Variants in ATRNL1 observed in about 807,000 individuals in gnomAD.
The protein encoded by ATRNL1 is attractin like 1.
ATRNL1 carries 95 observed loss-of-function variants against 182.7 expected under a neutral mutation model. That is an observed-to-expected ratio of 0.52 (90% confidence interval 0.44 to 0.62). The LOEUF (loss-of-function observed/expected upper bound fraction) is 0.62. Ranked by LOEUF, ATRNL1 falls within the 20% of genes least tolerant of loss-of-function variation. The pLI is 0.00. For synonymous variants in ATRNL1, 576 were observed against 568.3 expected (o/e 1.01, Z -0.19); for missense variants, 1,471 against 1,679.5 (o/e 0.88, Z 2.17).
intron 25 of ATRNL1, among the ~76,000 whole-genome samples, chr10:115,538,017 T>G (rs1300878960): frequency 6.6e-6 from 1 of 152,192 alleles, no homozygotes; most frequent in African/African-American, 2.4e-5. Flanking sequence ...CCAAGGTGCT[T>G]TTTTGTATCA....
chr10:115,520,602 G>C (rs1342362142), intron 25 of ATRNL1, among the ~76,000 whole-genome samples: 1 of 152,156 alleles, frequency 6.6e-6, no homozygotes, highest in South Asian at 2.1e-4. Context: ...TTAATGACAG[G>C]AAGCTCACTA....
chr10:115,741,531 C>T lies in ATRNL1; in HGVS notation c.3903+14176C>T, dbSNP rs530619748. Among the ~76,000 whole-genome samples, 6 of 152,036 alleles carry T rather than the reference C, an allele frequency of 3.9e-5. No individual in the cohort carries two copies. In the South Asian group the frequency reaches 8.3e-4, roughly 21 times the overall value. ...ATGGAAGACAATTTAAACAAGATGC[C>T]GAGGATCACACAGAAGGTTTTTGAG... On this transcript the variant is annotated intron_variant, in intron 27 of 28. Coordinates refer to ENST00000355044, the MANE Select transcript of ATRNL1 (RefSeq NM_207303.4).
intron 26 of ATRNL1, among the ~76,000 whole-genome samples, chr10:115,672,066 A>G (rs1945713451): frequency 6.6e-6 from 1 of 152,156 alleles, no homozygotes; most frequent in Non-Finnish European, 1.5e-5. Context: ...AAACAAGTCA[A>G]TAATTGAAAG....
In ATRNL1 at chr10:115,739,980, A is replaced by G. The variant is rs1489086225; in HGVS notation, c.3903+12625A>G. 3.3e-5 allele frequency among the ~76,000 whole-genome samples: 5 copies of G among 152,178 alleles called. No homozygotes were observed. The East Asian group carries it at 9.6e-4, about 29-fold the overall frequency. ...TCATCAGGTTTATATCCTCAATGGA[A>G]TAGCTGACTGTAAGAATCCTTAAAA... On this transcript the variant is annotated intron_variant, in intron 27 of 28. Coordinates refer to ENST00000355044, the MANE Select transcript of ATRNL1 (RefSeq NM_207303.4).
intron 9 of ATRNL1, among the ~76,000 whole-genome samples, chr10:115,233,633 T>C (rs969376030): frequency 1.3e-5 from 2 of 152,140 alleles, no homozygotes; most frequent in Non-Finnish European, 2.9e-5. Context: ...ATTTCTTCAC[T>C]AAGAATGATG....
chr10:115,309,724 T>C (rs1042192688), intron 17 of ATRNL1, among the ~76,000 whole-genome samples: 9 of 152,058 alleles, frequency 5.9e-5, no homozygotes, highest in Admixed American at 5.9e-4. Context: ...CTTTAGGGTT[T>C]TCTAGGTATA....
At chr10:115,285,893 G>A (rs574033702) in intron 14 of ATRNL1, among the ~76,000 whole-genome samples, 33 of 151,972 alleles carry the variant, frequency 2.2e-4, no homozygotes, top group African/African-American at 7.2e-4. Context: ...TAGACCTTGG[G>A]ACATAAATAT....
intron 19 of ATRNL1, among the ~76,000 whole-genome samples, chr10:115,355,918 A>G (rs1156794526): frequency 1.3e-5 from 2 of 152,018 alleles, no homozygotes; most frequent in African/African-American, 2.4e-5. Flanking sequence ...ATAAACTTTA[A>G]TTTTTCAGTT....
chr10:115,905,778 A>G (rs553018604), intron 28 of ATRNL1, among the ~76,000 whole-genome samples: 1 of 152,300 alleles, frequency 6.6e-6, no homozygotes, highest in South Asian at 2.1e-4. Flanking sequence ...GAGGCCAAGA[A>G]TCACATCTGT....
At chr10:115,223,929 A>ATATATT (rs1420143943) in intron 9 of ATRNL1, among the ~76,000 whole-genome samples, 14 of 44,732 alleles carry the variant, frequency 3.1e-4, no homozygotes, top group African/African-American at 1.0e-3. Flanking sequence ...ATATATATAT[A>ATATATT]TTTTTTTTTT....
chr10:115,798,066 T>C (rs1327669986), intron 27 of ATRNL1, among the ~76,000 whole-genome samples: 2 of 152,114 alleles, frequency 1.3e-5, no homozygotes, highest in African/African-American at 4.8e-5. Context: ...TACAGGCACC[T>C]GCCACCACGC....
At position 115,433,597 on chromosome 10, in the gene ATRNL1, C is replaced by A. The variant is rs116236110; in HGVS notation, c.3322+7295C>A. Reference sequence around the variant, plus strand: ...GCATTTTAACCTTGTTCTTTGATTCCTCAGTATTTTTATTAAATTTTCTGA... The same window carrying A: ...GCATTTTAACCTTGTTCTTTGATTCATCAGTATTTTTATTAAATTTTCTGA... On this transcript the variant is annotated intron_variant, in intron 21 of 28. Coordinates refer to ENST00000355044, the MANE Select transcript of ATRNL1 (RefSeq NM_207303.4). Among the ~76,000 whole-genome samples, 1,215 of 152,024 alleles carry A rather than the reference C, an allele frequency of 8.0e-3. 16 individuals are homozygous for A. Among genetic ancestry groups the A allele is most frequent in the African/African-American group, 0.027 (1,120 of 41,482 alleles).
intron 21 of ATRNL1, among the ~76,000 whole-genome samples, chr10:115,443,979 A>G (rs191744118): frequency 3.3e-5 from 5 of 152,262 alleles, no homozygotes; most frequent in Non-Finnish European, 7.4e-5. Flanking sequence ...AAACTACAAT[A>G]AAAAATTAAA....
chr10:115,336,774 A>G (rs1855497312), intron 19 of ATRNL1, among the ~76,000 whole-genome samples: 1 of 152,170 alleles, frequency 6.6e-6, no homozygotes, highest in African/African-American at 2.4e-5. Context: ...ATTCTTGAGA[A>G]TGACTTTTTA....
At chr10:115,600,147 G>C (rs575614020) in intron 26 of ATRNL1, among the ~76,000 whole-genome samples, 9 of 152,096 alleles carry the variant, frequency 5.9e-5, no homozygotes, top group African/African-American at 2.2e-4. Context: ...AGATATATCA[G>C]TAATTTTATG....
At chr10:115,416,837 G>C (rs2134359620) in intron 20 of ATRNL1, among the ~76,000 whole-genome samples, 1 of 152,312 alleles carries the variant, frequency 6.6e-6, no homozygotes, top group African/African-American at 2.4e-5. Flanking sequence ...TTAGAGAAAT[G>C]AGTTTGTATC....
intron 27 of ATRNL1, among the ~76,000 whole-genome samples, chr10:115,785,435 T>C (rs1206171963): frequency 6.6e-6 from 1 of 152,226 alleles, no homozygotes; most frequent in African/African-American, 2.4e-5. Context: ...CTCATCTGTG[T>C]CCCTTTCAGT....
chr10:115,721,802 A>G (rs1403082327), intron 26 of ATRNL1, among the ~76,000 whole-genome samples: 1 of 152,160 alleles, frequency 6.6e-6, no homozygotes, highest in Non-Finnish European at 1.5e-5. Context: ...CTATATTTTA[A>G]TCAAAGATCC....
At chr10:115,433,491 A>C (rs1846259662) in intron 21 of ATRNL1, among the ~76,000 whole-genome samples, 1 of 152,156 alleles carries the variant, frequency 6.6e-6, no homozygotes. Context: ...AACACCAATA[A>C]TCTAAATTCT....
Sources: allele counts gnomAD v4.1 joint callset (sites outside exome capture counted in the v4.1 genomes callset), GRCh38; gene constraint gnomAD v4.1.1; transcripts MANE v1.5; gene names NCBI Gene and HGNC (gene_info 2026-07-23, HGNC 2026-07-21).